SAMMSON: variants seen among roughly 807,000 people sequenced by gnomAD.
SAMMSON encodes long intergenic non-protein coding RNA 1212.
intron 3 of SAMMSON, among the ~76,000 whole-genome samples, chr3:70,056,884 A>G (rs777906375): frequency 6.6e-6 from 1 of 152,020 alleles, no homozygotes; most frequent in Non-Finnish European, 1.5e-5. Flanking sequence ...AAGTAGTGCT[A>G]TATTGAAAAA....
intron 7 of SAMMSON, among the ~76,000 whole-genome samples, chr3:70,335,507 A>G (rs1702653941): frequency 6.6e-6 from 1 of 152,034 alleles, no homozygotes; most frequent in South Asian, 2.1e-4. Flanking sequence ...AAAGCACACA[A>G]TTATAATTGA....
At chr3:70,124,674 G>A (rs900851522) in intron 4 of SAMMSON, among the ~76,000 whole-genome samples, 3 of 151,790 alleles carry the variant, frequency 2.0e-5, no homozygotes, top group African/African-American at 4.8e-5. Context: ...AATTAGCTGG[G>A]TGTGGTGGCG....
chr3:70,120,935 C>T (rs1469135852), intron 4 of SAMMSON, among the ~76,000 whole-genome samples: 4 of 152,040 alleles, frequency 2.6e-5, no homozygotes, highest in Admixed American at 2.6e-4. Flanking sequence ...ATTATTACAT[C>T]GTAATACATA....
At chr3:70,320,038 A>G (rs1010986339) in intron 7 of SAMMSON, among the ~76,000 whole-genome samples, 104 of 152,178 alleles carry the variant, frequency 6.8e-4, no homozygotes, top group African/African-American at 2.3e-3. Flanking sequence ...GGAGGCATCT[A>G]GATGGAAAGA....
chr3:70,376,118 A>G (rs1446489228), intron 9 of SAMMSON, among the ~76,000 whole-genome samples: 1 of 152,226 alleles, frequency 6.6e-6, no homozygotes, highest in Non-Finnish European at 1.5e-5. Context: ...CTGCAGAAGA[A>G]TCAAAAGAAG....
chr3:70,281,388 A>G (rs972432894), intron 6 of SAMMSON, among the ~76,000 whole-genome samples: 3 of 152,136 alleles, frequency 2.0e-5, no homozygotes, highest in Non-Finnish European at 4.4e-5. Context: ...TACGATCATA[A>G]GCTTCAGAAT....
At chr3:70,288,630 C>T (rs1249172587) in intron 6 of SAMMSON, among the ~76,000 whole-genome samples, 6 of 151,438 alleles carry the variant, frequency 4.0e-5, no homozygotes, top group African/African-American at 1.2e-4. Flanking sequence ...CTTTCTGTCT[C>T]GTTGATCCGT....
chr3:70,211,507 G>T (rs1021502813), intron 4 of SAMMSON, among the ~76,000 whole-genome samples: 5 of 5,288 alleles, frequency 9.5e-4, no homozygotes, highest in African/African-American at 1.6e-3. Context: ...CCTTCCCTTT[G>T]CCCTTCCCTT....
intron 4 of SAMMSON, among the ~76,000 whole-genome samples, chr3:70,242,157 C>A (rs1404768813): frequency 6.6e-6 from 1 of 152,156 alleles, no homozygotes. Flanking sequence ...TGTATTTCTA[C>A]TGGTAAAAGC....
Position 70,310,597 on chromosome 3 carries a change from C to T in SAMMSON, n.739+19354C>T, listed in dbSNP as rs563038088. 5.5e-3 allele frequency among the ~76,000 whole-genome samples: 841 copies of T among 152,006 alleles called. 9 individuals are homozygous for T. The highest frequency in any genetic ancestry group is 9.8e-3 in the Non-Finnish European group (665 of 67,986). On this transcript the variant is annotated intron_variant and non_coding_transcript_variant, in intron 7 of 9. Coordinates refer to ENST00000642114, the Ensembl canonical transcript of SAMMSON. ...GCCAGGCTGGTCTTGATCTCCTGAC[C>T]GCAAGTGATCCACCCGCCTCGGCCT...
intron 4 of SAMMSON, among the ~76,000 whole-genome samples, chr3:70,225,593 A>G (rs1701496856): frequency 6.7e-6 from 1 of 149,458 alleles, no homozygotes; most frequent in Non-Finnish European, 1.5e-5. Context: ...TTTTCTCTGT[A>G]AAAGTGAAGA....
chr3:70,192,624 CCTT>C (rs1239332434), intron 4 of SAMMSON, among the ~76,000 whole-genome samples: 1 of 152,194 alleles, frequency 6.6e-6, no homozygotes, highest in Non-Finnish European at 1.5e-5. Context: ...TCTGTTGACT[CCTT>C]CTCAAAACGT....
intron 3 of SAMMSON, chr3:70,024,802 C>T (rs1166066732): frequency 6.6e-6 from 1 of 152,218 alleles, no homozygotes; most frequent in Admixed American, 6.5e-5. Context: ...AATCTGTTTG[C>T]TTCTACCTTG....
At chr3:70,251,198 C>A (rs1163991235) in intron 6 of SAMMSON, among the ~76,000 whole-genome samples, 1 of 152,178 alleles carries the variant, frequency 6.6e-6, no homozygotes, top group Non-Finnish European at 1.5e-5. Context: ...AGAGCTACTC[C>A]TCAGGTTCTG....
intron 6 of SAMMSON, among the ~76,000 whole-genome samples, chr3:70,274,769 A>C (rs535298183): frequency 9.7e-4 from 147 of 152,300 alleles, no homozygotes; most frequent in African/African-American, 3.5e-3. Context: ...CAAATATAAA[A>C]ATATTTTAAA....
At chr3:70,290,490 G>A (rs1011043834) in intron 6 of SAMMSON, among the ~76,000 whole-genome samples, 16 of 152,218 alleles carry the variant, frequency 1.1e-4, no homozygotes, top group South Asian at 2.1e-4. Flanking sequence ...ATTTAAGTCT[G>A]CAGAGGTTAT....
intron 2 of SAMMSON, among the ~76,000 whole-genome samples, chr3:70,432,382 C>A (rs1345528441): frequency 4.0e-5 from 6 of 150,932 alleles, no homozygotes; most frequent in Non-Finnish European, 5.9e-5. Context: ...TATCTAGATG[C>A]AATTCATTTG....
At chr3:70,266,549 C>T (rs147081047) in intron 6 of SAMMSON, among the ~76,000 whole-genome samples, 15,109 of 152,046 alleles carry the variant, frequency 0.099, 890 homozygotes, top group South Asian at 0.2. Context: ...CTCAGCCTCC[C>T]GAGTAGCTGG....
At chr3:70,301,069 C>T (rs962883769) in intron 7 of SAMMSON, among the ~76,000 whole-genome samples, 6 of 151,878 alleles carry the variant, frequency 4.0e-5, no homozygotes, top group Admixed American at 6.6e-5. Flanking sequence ...TTAAAAAAGA[C>T]GATGTTAGCT....
Sources: gnomAD v4.1 joint callset for allele counts (sites outside exome capture counted in the v4.1 genomes callset) on GRCh38, gnomAD v4.1.1 for gene constraint, MANE v1.5 for transcripts, NCBI Gene and HGNC (gene_info 2026-07-23, HGNC 2026-07-21) for gene names.